GNG7: variants seen among roughly 807,000 people sequenced by gnomAD.
GNG7 encodes the protein guanine nucleotide-binding protein G(I)/G(S)/G(O) subunit gamma-7.
GNG7 carries 1 observed loss-of-function variant against 4.0 expected under a neutral mutation model. That is an observed-to-expected ratio of 0.25 (90% CI 0.09 to 1.18). The LOEUF is 1.18. GNG7 is among the 50% of genes most tolerant of loss of function. The pLI, the probability that GNG7 is intolerant of heterozygous loss-of-function variation, is 0.50. For missense variants in GNG7, 86 were observed against 91.9 expected (o/e 0.94, Z 0.26); for synonymous variants, 34 against 36.9 (o/e 0.92, Z 0.29).
intron 3 of GNG7, among the ~76,000 whole-genome samples, chr19:2,536,139 C>A (rs149605153): frequency 1.3e-5 from 2 of 151,856 alleles, no homozygotes; most frequent in Non-Finnish European, 2.9e-5. Flanking sequence ...AAAAGAAGGC[C>A]GGGCGCGGTG....
At chr19:2,628,308 T>A (rs1982069940) in intron 2 of GNG7, among the ~76,000 whole-genome samples, 1 of 152,158 alleles carries the variant, frequency 6.6e-6, no homozygotes, top group South Asian at 2.1e-4. Flanking sequence ...CTAGTTTGGT[T>A]ATCGGCAGAA....
chr19:2,605,605 CT>C (rs1981355801), intron 2 of GNG7, among the ~76,000 whole-genome samples: 1 of 146,320 alleles, frequency 6.8e-6, no homozygotes, highest in Non-Finnish European at 1.5e-5. Flanking sequence ...CCTCTGCCTC[CT>C]CAGCTGAAGT....
Position 2,512,007 on chromosome 19 carries a change from C to T in GNG7, c.*3015G>A, listed in dbSNP as rs1471415078. ...TGGCTACTGGTGTCTCGCTCAGCAG[C>T]GGGGAAGGCCCGTGGGAGACCCAGG... On this transcript the variant is annotated 3_prime_UTR_variant, in exon 5 of 5. Coordinates refer to ENST00000382159, the MANE Select transcript of GNG7 (RefSeq NM_052847.3). The surrounding 1 kb of genome is among the most constrained non-coding windows in gnomAD (Gnocchi z 4.7). The T allele has an allele frequency of 2.0e-5, 20 of 985,754 alleles. No individual in the cohort carries two copies. The highest frequency in any genetic ancestry group is 4.7e-5 in the South Asian group (1 of 21,294). 61.1% of individuals were successfully genotyped at this position (985,754 alleles called of 1,614,324 possible). A position where few individuals can be genotyped will look rare whatever the true frequency, so the allele number is the denominator to read the frequency against.
chr19:2,652,785 A>G (rs1982865447), intron 1 of GNG7, among the ~76,000 whole-genome samples: 1 of 152,050 alleles, frequency 6.6e-6, no homozygotes, highest in Non-Finnish European at 1.5e-5. Flanking sequence ...GAACCAGCTA[A>G]AGATATTGTA....
chr19:2,606,512 G>A (rs553630980), intron 2 of GNG7, among the ~76,000 whole-genome samples: 64 of 152,030 alleles, frequency 4.2e-4, no homozygotes, highest in Non-Finnish European at 7.9e-4. Context: ...AAAATTAGCT[G>A]GGTGTGGTGG....
intron 3 of GNG7, among the ~76,000 whole-genome samples, chr19:2,553,969 T>C (rs924204488): frequency 2.1e-5 from 2 of 93,934 alleles, no homozygotes; most frequent in African/African-American, 4.8e-5. Flanking sequence ...ATTACACATA[T>C]GTATATATTA....
At chr19:2,525,092 C>G (rs918365527) in intron 3 of GNG7, among the ~76,000 whole-genome samples, 1 of 152,146 alleles carries the variant, frequency 6.6e-6, no homozygotes, top group African/African-American at 2.4e-5. Context: ...CAGAACTGGC[C>G]ACGCACTGAG....
intron 2 of GNG7, among the ~76,000 whole-genome samples, chr19:2,572,139 A>G (rs1980167484): frequency 1.3e-5 from 2 of 151,946 alleles, no homozygotes; most frequent in South Asian, 4.1e-4. Context: ...CTCCCAGCTC[A>G]GCCTGCCGAG....
At position 2,617,493 on chromosome 19, in the gene GNG7, T is replaced by A. The variant is rs1981752649; in HGVS notation, c.-78+28731A>T. Among the ~76,000 whole-genome samples the A allele has an allele frequency of 6.6e-6, 1 of 151,960 alleles. No individual in the cohort carries two copies. The highest frequency in any genetic ancestry group is 2.1e-4 in the South Asian group (1 of 4,822). ...CTTCAGACTGTTCTTCTCCCCATCC[T>A]CCTCTCCACCTCCAGCCCTCAAAGA... On this transcript the variant is annotated intron_variant, in intron 2 of 4. Transcript: ENST00000382159. This position sits in a 1 kb window ranked among gnomAD's most constrained non-coding sequence, Gnocchi z 4.7.
chr19:2,636,322 C>G (rs548004190), intron 2 of GNG7, among the ~76,000 whole-genome samples: 2 of 152,130 alleles, frequency 1.3e-5, no homozygotes, highest in Non-Finnish European at 2.9e-5. Flanking sequence ...GCCCTCTGCC[C>G]GCCAGGACAA....
At chr19:2,681,308 C>T (rs973832337) in intron 1 of GNG7, among the ~76,000 whole-genome samples, 5 of 152,158 alleles carry the variant, frequency 3.3e-5, no homozygotes, top group South Asian at 2.1e-4. Flanking sequence ...CTCAGCCTCC[C>T]GAGTAGCTGG....
chr19:2,593,555 G>A (rs1278710398), intron 2 of GNG7, among the ~76,000 whole-genome samples: 1 of 151,722 alleles, frequency 6.6e-6, no homozygotes, highest in Non-Finnish European at 1.5e-5. Context: ...ACCAGCCCGG[G>A]CAACAAGGCG....
intron 1 of GNG7, among the ~76,000 whole-genome samples, chr19:2,657,612 G>C (rs1439009645): frequency 6.6e-6 from 1 of 151,542 alleles, no homozygotes; most frequent in Non-Finnish European, 1.5e-5. Context: ...CTACTGGAGA[G>C]GCTGAGGCAG....
chr19:2,608,772 T>C (rs1401374241), intron 2 of GNG7, among the ~76,000 whole-genome samples: 1 of 152,190 alleles, frequency 6.6e-6, no homozygotes, highest in Non-Finnish European at 1.5e-5. Flanking sequence ...GCCTGCTGCG[T>C]TCCCCACTCC....
At chr19:2,649,058 G>C (rs529504462) in intron 1 of GNG7, among the ~76,000 whole-genome samples, 1 of 151,306 alleles carries the variant, frequency 6.6e-6, no homozygotes, top group Non-Finnish European at 1.5e-5. Context: ...TAGTTTTTAT[G>C]TTCTGGGAAG....
chr19:2,653,057 C>G lies in GNG7; in HGVS notation c.-134-6777G>C, dbSNP rs1174193488. 6.6e-6 allele frequency among the ~76,000 whole-genome samples: 1 copy of G among 151,910 alleles called. No individual in the cohort carries two copies. Among genetic ancestry groups the G allele is most frequent in the Non-Finnish European group, 1.5e-5 (1 of 67,986 alleles). ...AGTGAACCGAGATCACACCACTGCA[C>G]TCCAGCCCGGGCAACAGAGCAAGAC... is the stretch of plus-strand genomic sequence containing the variant. On this transcript the variant is annotated intron_variant, in intron 1 of 4. Transcript: ENST00000382159. This position sits in a 1 kb window ranked among gnomAD's most constrained non-coding sequence, Gnocchi z 4.8.
intron 2 of GNG7, among the ~76,000 whole-genome samples, chr19:2,577,096 G>C (rs551858082): frequency 1.3e-5 from 2 of 152,238 alleles, no homozygotes; most frequent in Non-Finnish European, 2.9e-5. Flanking sequence ...GGTCCACCTC[G>C]CAAGCTGGGG....
At chr19:2,535,461 C>T (rs1044494440) in intron 3 of GNG7, among the ~76,000 whole-genome samples, 1 of 151,042 alleles carries the variant, frequency 6.6e-6, no homozygotes, top group African/African-American at 2.4e-5. Context: ...GATCATGCCA[C>T]TGCACTCCAG....
rs189522434 is a variant in GNG7, at chr19:2,557,998, G to T, written c.-77-2810C>A. 5.5e-3 allele frequency among the ~76,000 whole-genome samples: 838 copies of T among 151,840 alleles called. 7 individuals are homozygous for T. Among genetic ancestry groups the T allele is most frequent in the Non-Finnish European group, 9.8e-3 (665 of 67,946 alleles). ...CTGGGACTACAGGCACGGGCCACCAGGCCTGGGTAATTTTTTGTGTTTTTA... is the reference window on the plus strand; with the variant it reads ...CTGGGACTACAGGCACGGGCCACCATGCCTGGGTAATTTTTTGTGTTTTTA... On this transcript the variant is annotated intron_variant, in intron 2 of 4. Transcript: ENST00000382159. This position sits in a 1 kb window ranked among gnomAD's most constrained non-coding sequence, Gnocchi z 5.1.
Sources: gnomAD v4.1 joint callset for allele counts (sites outside exome capture counted in the v4.1 genomes callset) on GRCh38, gnomAD v4.1.1 for gene constraint, Gnocchi (gnomAD v3.1) non-coding constraint, MANE v1.5 for transcripts, NCBI Gene and HGNC (gene_info 2026-07-23, HGNC 2026-07-21) for gene names.